PTPRD: variants seen among roughly 807,000 people sequenced by gnomAD.
PTPRD encodes the protein receptor-type tyrosine-protein phosphatase delta.
Under a neutral mutation model 214.5 loss-of-function variants are expected in PTPRD, and 34 were observed. The ratio of observed to expected loss-of-function variants is 0.16; its 90% CI spans 0.12 to 0.21. The LOEUF (loss-of-function observed/expected upper bound fraction) is 0.21, where lower values mean the gene tolerates loss of function less well. Among genes scored for constraint, PTPRD ranks in the 10% least tolerant of loss-of-function variants. The probability of loss-of-function intolerance (pLI) is 1.00; values close to 1 mark genes in which losing one functional copy is unlikely to be tolerated. For synonymous variants in PTPRD, 1,128 were observed against 845.7 expected (o/e 1.33, Z -5.79); for missense variants, 2,545 against 2,398.7 (o/e 1.06, Z -1.27).
intron 2 of PTPRD, among the ~76,000 whole-genome samples, chr9:10,489,666 C>T (rs1295782068): frequency 2.0e-5 from 3 of 152,132 alleles, no homozygotes; most frequent in African/African-American, 7.2e-5. Context: ...CTTGCAGATC[C>T]TCAAGTTCGG....
At position 9,081,642 on chromosome 9, in the gene PTPRD, A is replaced by G. The variant is rs2099759177; in HGVS notation, c.-142-62907T>C. On this transcript the variant is annotated intron_variant, in intron 10 of 45. Coordinates refer to ENST00000381196, the MANE Select transcript of PTPRD (RefSeq NM_002839.4). The stretch of plus-strand genomic sequence containing the variant: ...TGTGTGGGAGTCTAAGTCTCTTTGT[A>G]GGTCTCTAAGAACTTGCTTTATGAA... 2.0e-5 allele frequency among the ~76,000 whole-genome samples: 3 copies of G among 152,040 alleles called. No homozygotes were observed. In the South Asian group the frequency reaches 6.2e-4, roughly 31 times the overall value.
At chr9:9,250,968 A>G (rs1188109104) in intron 9 of PTPRD, among the ~76,000 whole-genome samples, 1 of 152,102 alleles carries the variant, frequency 6.6e-6, no homozygotes, top group Non-Finnish European at 1.5e-5. Flanking sequence ...CTGATCAGAA[A>G]GCATGAACCA....
intron 39 of PTPRD, among the ~76,000 whole-genome samples, chr9:8,352,353 G>A (rs115642214): frequency 1.6e-3 from 237 of 152,260 alleles, no homozygotes; most frequent in African/African-American, 5.5e-3. Flanking sequence ...ACTTGAATCT[G>A]AATAGAGGTC....
intron 37 of PTPRD, among the ~76,000 whole-genome samples, chr9:8,387,874 T>G (rs894031762): frequency 4.6e-5 from 7 of 152,146 alleles, no homozygotes; most frequent in Non-Finnish European, 8.8e-5. Flanking sequence ...GGGAGGGGAG[T>G]TGTTTTTAAA....
At chr9:9,315,081 C>A (rs1415175888) in intron 9 of PTPRD, among the ~76,000 whole-genome samples, 1 of 151,990 alleles carries the variant, frequency 6.6e-6, no homozygotes, top group Non-Finnish European at 1.5e-5. Context: ...CTAAAGTTGT[C>A]ATTTAGAATT....
At chr9:9,626,562 A>T (rs1456771429) in intron 7 of PTPRD, among the ~76,000 whole-genome samples, 1 of 152,190 alleles carries the variant, frequency 6.6e-6, no homozygotes, top group African/African-American at 2.4e-5. Context: ...GAAGGAAGGA[A>T]GGGACGGAGA....
At chr9:8,400,573 G>A (rs193274088) in intron 36 of PTPRD, among the ~76,000 whole-genome samples, 2 of 152,164 alleles carry the variant, frequency 1.3e-5, no homozygotes, top group Non-Finnish European at 2.9e-5. Context: ...TAGGCAAAAA[G>A]ATAAGACTGA....
chr9:9,770,171 G>C (rs1285061112), intron 5 of PTPRD, among the ~76,000 whole-genome samples: 1 of 152,112 alleles, frequency 6.6e-6, no homozygotes, highest in East Asian at 1.9e-4. Flanking sequence ...CTAGATCCTT[G>C]AGGAATCGCC....
intron 8 of PTPRD, among the ~76,000 whole-genome samples, chr9:9,440,232 T>A (rs1448779747): frequency 1.3e-5 from 2 of 152,238 alleles, no homozygotes; most frequent in East Asian, 3.8e-4. Flanking sequence ...AACTTGTAAA[T>A]ATTCAGCTTG....
chr9:9,404,251 C>A (rs2072238394), intron 8 of PTPRD, among the ~76,000 whole-genome samples: 1 of 152,140 alleles, frequency 6.6e-6, no homozygotes, highest in Non-Finnish European at 1.5e-5. Flanking sequence ...TTGTCTTAAA[C>A]ATGCCTCCGG....
chr9:9,780,263 C>T (rs1386461892), intron 5 of PTPRD, among the ~76,000 whole-genome samples: 1 of 152,004 alleles, frequency 6.6e-6, no homozygotes, highest in Admixed American at 6.6e-5. Flanking sequence ...CAAGAGGGGT[C>T]AGTGAGGGAG....
At chr9:8,906,407 G>A (rs1044116499) in intron 11 of PTPRD, among the ~76,000 whole-genome samples, 1 of 152,078 alleles carries the variant, frequency 6.6e-6, no homozygotes, top group Non-Finnish European at 1.5e-5. Context: ...GTGTAACTTT[G>A]GGGAAGTTAC....
chr9:9,211,080 AGT>A (rs142322627), intron 9 of PTPRD, among the ~76,000 whole-genome samples: 1,660 of 150,722 alleles, frequency 0.011, 33 homozygotes, highest in African/African-American at 0.038. Context: ...CATGTGTGTG[AGT>A]GTGTGTGTGT....
intron 11 of PTPRD, among the ~76,000 whole-genome samples, chr9:8,839,938 C>T (rs2570295): frequency 0.5 from 75,933 of 151,886 alleles, 19,739 homozygotes; most frequent in African/African-American, 0.65. Flanking sequence ...ATTCACCATA[C>T]AGTACAAAGG....
chr9:9,959,794 G>A (rs995895291), intron 4 of PTPRD, among the ~76,000 whole-genome samples: 1 of 152,156 alleles, frequency 6.6e-6, no homozygotes, highest in Non-Finnish European at 1.5e-5. Context: ...AGAACCAGCA[G>A]TGAGCTTTTT....
At chr9:8,862,518 G>T (rs1168218280) in intron 11 of PTPRD, among the ~76,000 whole-genome samples, 4 of 152,166 alleles carry the variant, frequency 2.6e-5, no homozygotes, top group African/African-American at 4.8e-5. Flanking sequence ...CTCCCATTCT[G>T]CAGATTTGAA....
At chr9:10,125,425 TA>T (rs1214659806) in intron 3 of PTPRD, among the ~76,000 whole-genome samples, 284 of 58,278 alleles carry the variant, frequency 4.9e-3, no homozygotes, top group African/African-American at 0.023. Context: ...TGTTTTATTT[TA>T]TTATTATTAT....
chr9:8,526,558 G>A, intron 17 of PTPRD, 69 bp downstream of exon 17: 2 of 1,372,772 alleles, frequency 1.5e-6, no homozygotes, highest in East Asian at 2.4e-5. Flanking sequence ...ACAGGACAAA[G>A]ATGAGAGGGA....
rs185759124 is a variant in PTPRD, at chr9:8,629,070, G to A, written c.352+4247C>T. Among the ~76,000 whole-genome samples, 130 of 151,818 alleles carry A rather than the reference G, an allele frequency of 8.6e-4. 1 individual carries two copies. The highest frequency in any genetic ancestry group is 3.4e-3 in the Middle Eastern group (1 of 294). On this transcript the variant is annotated intron_variant, in intron 14 of 45. Coordinates refer to ENST00000381196, the MANE Select transcript of PTPRD (RefSeq NM_002839.4). ...AGATTTTTTAAATGACCCATTACATGCTGTTTGAGATAAGAGCAAAATAAT... is the reference window on the plus strand; with the variant it reads ...AGATTTTTTAAATGACCCATTACATACTGTTTGAGATAAGAGCAAAATAAT...
Sources: allele counts gnomAD v4.1 joint callset (sites outside exome capture counted in the v4.1 genomes callset), GRCh38; gene constraint gnomAD v4.1.1; transcripts MANE v1.5; gene names NCBI Gene and HGNC (gene_info 2026-07-23, HGNC 2026-07-21).